Variants in C2CD3 observed in about 807,000 individuals in gnomAD.
The protein encoded by C2CD3 is C2 domain-containing protein 3.
C2CD3 carries 148 observed loss-of-function variants against 234.0 expected under a neutral mutation model. That is an observed-to-expected ratio of 0.63 (90% CI 0.55 to 0.72). The LOEUF (loss-of-function observed/expected upper bound fraction) is 0.72, where lower values mean the gene tolerates loss of function less well. C2CD3 is among the 30% of genes least tolerant of loss of function. C2CD3 has a pLI of 0.00. For missense variants in C2CD3, 2,577 were observed against 2,811.5 expected (o/e 0.92, Z 1.89); for synonymous variants, 1,000 against 1,035.4 (o/e 0.97, Z 0.66).
intron 24 of C2CD3, among the ~76,000 whole-genome samples, chr11:74,061,043 G>T (rs1954213107): frequency 6.6e-6 from 1 of 152,136 alleles, no homozygotes; most frequent in African/African-American, 2.4e-5. Flanking sequence ...AAGATCAAAT[G>T]AATGAAATGA....
chr11:74,014,982 C>T (rs755120234), intron 32 of C2CD3, among the ~76,000 whole-genome samples: 1 of 152,154 alleles, frequency 6.6e-6, no homozygotes, highest in Non-Finnish European at 1.5e-5. Context: ...AGATCTATCT[C>T]CCTGCCTTCT....
intron 7 of C2CD3, among the ~76,000 whole-genome samples, chr11:74,132,444 A>G (rs1442483363): frequency 5.3e-5 from 8 of 152,244 alleles, no homozygotes; most frequent in Non-Finnish European, 2.9e-5. Flanking sequence ...CCTTACAACA[A>G]TTTTGCAAAG....
intron 3 of C2CD3, among the ~76,000 whole-genome samples, chr11:74,157,513 T>C (rs909304441): frequency 3.3e-5 from 5 of 152,184 alleles, no homozygotes; most frequent in African/African-American, 1.2e-4. Context: ...ATAAAAACAA[T>C]AAATGTTAAG....
chr11:74,074,603 A>C lies in C2CD3; in HGVS notation c.4604-3T>G. 1 of 1,605,578 alleles carries C rather than the reference A, an allele frequency of 6.2e-7. No homozygotes were observed. Among genetic ancestry groups the C allele is most frequent in the African/African-American group, 1.3e-5 (1 of 74,824 alleles). On this transcript the variant is annotated splice_polypyrimidine_tract_variant and splice_region_variant and intron_variant, in intron 23 of 32. Transcript: ENST00000334126. ...TCGTCCAAACAGAGGATACACACCT[A>C]AAAGAAGATGGAGAAGAATAAGGCT...
In C2CD3 at chr11:74,085,715, C is replaced by T. The variant is rs112581232; in HGVS notation, c.3813G>A (p.Leu1271=). 1.4e-3 allele frequency: 2,245 copies of T among 1,614,098 alleles called. 13 individuals are homozygous for T. The Middle Eastern group carries it at 0.017, about 12-fold the overall frequency. The part of the protein sequence containing the change: ...FSHHVEFTCN[L]VTQHCSGEAC... ...CCTCTCCACTACAGTGCTGAGTCAC[C>T]AAGTTACATGTGAACTCAACGTGAT... is the stretch of plus-strand genomic sequence containing the variant. The change falls in exon 21 of 33, where the codon TTG becomes TTA. Residue 1271 remains leucine, a synonymous_variant. Transcript: ENST00000334126.
chr11:74,049,750 A>C (rs1953582533), intron 26 of C2CD3, among the ~76,000 whole-genome samples: 1 of 152,128 alleles, frequency 6.6e-6, no homozygotes, highest in African/African-American at 2.4e-5. Flanking sequence ...GGTGGGAAAA[A>C]GCTGACAGGC....
intron 3 of C2CD3, among the ~76,000 whole-genome samples, chr11:74,157,602 A>G: frequency 1.3e-5 from 2 of 152,312 alleles, no homozygotes; most frequent in Admixed American, 1.3e-4. Flanking sequence ...TATAATATTA[A>G]TAAATTCTTA....
At chr11:74,018,400 C>T (rs576835802) in intron 32 of C2CD3, among the ~76,000 whole-genome samples, 2 of 152,252 alleles carry the variant, frequency 1.3e-5, no homozygotes, top group East Asian at 1.9e-4. Flanking sequence ...CCACTGTCTT[C>T]CCCCCTTCTT....
intron 29 of C2CD3, among the ~76,000 whole-genome samples, chr11:74,038,447 A>G (rs1001744389): frequency 2.6e-5 from 4 of 152,218 alleles, no homozygotes; most frequent in Non-Finnish European, 5.9e-5. Context: ...TCAGCTAATC[A>G]TATGAGATCA....
chr11:74,078,852 G>A lies in C2CD3; in HGVS notation c.4001-135C>T, dbSNP rs1955196189. On this transcript the variant is annotated intron_variant, in intron 22 of 32. Transcript: ENST00000334126. ...GAAAACATACCCACAGTGAGTTGGAGTTTATGTTCATCTGACCATTGAGAG... is the reference window on the plus strand; with the variant it reads ...GAAAACATACCCACAGTGAGTTGGAATTTATGTTCATCTGACCATTGAGAG... 23 of 773,352 alleles carry A rather than the reference G, an allele frequency of 3.0e-5. 1 individual carries two copies. The South Asian group carries it at 4.3e-4, about 15-fold the overall frequency. The allele number at this position is 773,352 out of a possible 1,614,324, so 47.9% of individuals were successfully genotyped here.
intron 24 of C2CD3, among the ~76,000 whole-genome samples, chr11:74,073,484 G>A (rs949251367): frequency 5.3e-5 from 8 of 151,846 alleles, no homozygotes; most frequent in African/African-American, 1.9e-4. Flanking sequence ...CTACTCAGGA[G>A]GCTGAGGCAG....
chr11:74,114,400 T>A lies in C2CD3; in HGVS notation c.1714A>T (p.Thr572Ser). 6.2e-7 allele frequency: 1 copy of A among 1,613,788 alleles called. No homozygotes were observed. The highest frequency in any genetic ancestry group is 8.5e-7 in the Non-Finnish European group (1 of 1,179,758). Residue 572 changes from threonine to serine, a missense_variant, in exon 10 of 33, where the codon ACT (threonine) becomes TCT (serine). Thr to Ser is a moderately conservative substitution (Grantham distance 58, BLOSUM62 1). Coordinates refer to ENST00000334126, the MANE Select transcript of C2CD3 (RefSeq NM_001286577.2). ...GAGACATACCGCTTTTTTGCTGTAG[T>A]CACCTTAGGTGGTGGACCAGCATAG... The part of the protein sequence containing the change: ...KSYAGPPPKV[T>S]TAKKRTFFVE...
intron 3 of C2CD3, among the ~76,000 whole-genome samples, chr11:74,156,083 G>T (rs549406888): frequency 3.9e-5 from 6 of 151,998 alleles, no homozygotes; most frequent in African/African-American, 1.5e-4. Flanking sequence ...AGACCATCCT[G>T]ACCAACACAG....
intron 24 of C2CD3, among the ~76,000 whole-genome samples, chr11:74,073,967 A>G (rs61901207): frequency 2.9e-3 from 437 of 152,322 alleles, no homozygotes; most frequent in Non-Finnish European, 4.7e-3. Flanking sequence ...GAAGGAAGAA[A>G]TCTGAGAAAT....
chr11:74,112,163 G>A (rs896065220), intron 11 of C2CD3, among the ~76,000 whole-genome samples: 32 of 152,132 alleles, frequency 2.1e-4, no homozygotes, highest in African/African-American at 7.5e-4. Flanking sequence ...TGCTGTAAAG[G>A]AAAAGTTATT....
chr11:74,074,469 G>A lies in C2CD3; in HGVS notation c.4735C>T (p.His1579Tyr). The A allele has an allele frequency of 6.2e-7, 1 of 1,614,154 alleles. No individual in the cohort carries two copies. Among genetic ancestry groups the A allele is most frequent in the Non-Finnish European group, 8.5e-7 (1 of 1,180,008 alleles). ...CTGGGGAGCTGCTCAGACTCACTGT[G>A]GCTGCTGCAGTCCATGGAGTCCAGC... Reference protein sequence around the residue: ...HELDSMDCSSHSESEQLPRRN... With the variant: ...HELDSMDCSSYSESEQLPRRN... The change falls in exon 24 of 33, where the codon CAC becomes TAC. Residue 1579 changes from histidine to tyrosine, a missense_variant. Transcript: ENST00000334126.
intron 24 of C2CD3, among the ~76,000 whole-genome samples, chr11:74,062,964 C>A (rs1020005261): frequency 8.5e-5 from 13 of 152,148 alleles, no homozygotes; most frequent in Non-Finnish European, 1.8e-4. Context: ...ACTCATCCCA[C>A]AGAAATACAA....
intron 9 of C2CD3, among the ~76,000 whole-genome samples, chr11:74,115,537 C>A (rs1053773897): frequency 1.3e-5 from 2 of 151,982 alleles, no homozygotes; most frequent in Non-Finnish European, 2.9e-5. Flanking sequence ...AATATGAAAA[C>A]GACCATACTG....
chr11:74,112,063 C>T lies in C2CD3; in HGVS notation c.1843+1717G>A, dbSNP rs1315408767. Among the ~76,000 whole-genome samples the T allele has an allele frequency of 4.6e-5, 7 of 151,776 alleles. No individual in the cohort carries two copies. In the South Asian group the frequency reaches 6.2e-4, roughly 14 times the overall value. On this transcript the variant is annotated intron_variant, in intron 11 of 32. Coordinates refer to ENST00000334126, the MANE Select transcript of C2CD3 (RefSeq NM_001286577.2). ...TCTTGATTGTCTGCAAGGATGCAAC[C>T]GTTCAATTTTGAACCATGTGAATGG... is the stretch of plus-strand genomic sequence containing the variant.
Sources: allele counts gnomAD v4.1 joint callset (sites outside exome capture counted in the v4.1 genomes callset), GRCh38; gene constraint gnomAD v4.1.1; transcripts MANE v1.5; gene names NCBI Gene and HGNC (gene_info 2026-07-23, HGNC 2026-07-21).